Variants in ANKAR observed in about 807,000 individuals in gnomAD.
ANKAR encodes the protein ankyrin and armadillo repeat-containing protein.
A neutral mutation model predicts 146.2 loss-of-function variants in ANKAR; 136 were observed. That is an observed-to-expected ratio of 0.93 (90% CI 0.81 to 1.07). The LOEUF is 1.07. Ranked by LOEUF, ANKAR falls within the 50% of genes least tolerant of loss-of-function variation. The pLI is 0.00. For synonymous variants in ANKAR, 500 were observed against 575.8 expected (o/e 0.87, Z 1.88); for missense variants, 1,567 against 1,679.9 (o/e 0.93, Z 1.18).
At chr2:189,710,497 A>G (rs2105706103) in intron 9 of ANKAR, among the ~76,000 whole-genome samples, 1 of 152,344 alleles carries the variant, frequency 6.6e-6, no homozygotes, top group South Asian at 2.1e-4. Context: ...TAAGTCATTC[A>G]GACCAAAGAT....
intron 18 of ANKAR, chr2:189,754,004 G>T (rs2045684898): frequency 6.2e-7 from 1 of 1,613,706 alleles, no homozygotes; most frequent in Non-Finnish European, 8.5e-7. Context: ...ACATGCCATT[G>T]TGTGCTGTAC....
intron 18 of ANKAR, 96 bp downstream of exon 18, chr2:189,737,937 T>G (rs1305919544): frequency 6.4e-5 from 80 of 1,246,466 alleles, no homozygotes; most frequent in Non-Finnish European, 8.6e-5. Flanking sequence ...AAACGTTTAC[T>G]TATTTGTAAA....
chr2:189,698,899 G>A (rs2037646433), intron 7 of ANKAR, among the ~76,000 whole-genome samples: 3 of 152,308 alleles, frequency 2.0e-5, no homozygotes, highest in Admixed American at 1.3e-4. Flanking sequence ...TGTCCCATCC[G>A]CCCTGTAGAA....
chr2:189,720,833 A>T (rs2105787463), intron 12 of ANKAR, 46 bp downstream of exon 12: 2 of 1,366,104 alleles, frequency 1.5e-6, no homozygotes, highest in Non-Finnish European at 1.9e-6. Context: ...AGATATATTA[A>T]GTGAAGCAAA....
In ANKAR at chr2:189,677,105, A is replaced by C; in HGVS notation, c.601+14A>C. 6.8e-7 allele frequency: 1 copy of C among 1,465,678 alleles called. No individual in the cohort carries two copies. The highest frequency in any genetic ancestry group is 8.9e-7 in the Non-Finnish European group (1 of 1,118,902). The allele number at this position is 1,465,678 out of a possible 1,614,324, so 90.8% of individuals were successfully genotyped here. A position where few individuals can be genotyped will look rare whatever the true frequency, so the allele number is the denominator to read the frequency against. ...TTAGTTCAGCAGGTAAGAGAATTTAACACTTCTTAAATTTTTTTTTTTTTT... is the reference window on the plus strand; with the variant it reads ...TTAGTTCAGCAGGTAAGAGAATTTACCACTTCTTAAATTTTTTTTTTTTTT... On this transcript the variant is annotated intron_variant, in intron 2 of 22. Coordinates refer to ENST00000684021, the MANE Select transcript of ANKAR (RefSeq NM_001378068.1).
chr2:189,727,952 C>T lies in ANKAR; in HGVS notation c.2732C>T (p.Pro911Leu). The T allele has an allele frequency of 1.2e-6, 2 of 1,614,004 alleles. No individual in the cohort carries two copies. Among genetic ancestry groups the T allele is most frequent in the Non-Finnish European group, 8.5e-7 (1 of 1,179,980 alleles). ...ATAGCTATGGAGGGAGCGATTCCTCCTCTGGTGGCTCTTTTTAAAGGGAAA... is the reference window on the plus strand; with the variant it reads ...ATAGCTATGGAGGGAGCGATTCCTCTTCTGGTGGCTCTTTTTAAAGGGAAA... Reference protein sequence around the residue: ...DAIAMEGAIPPLVALFKGKQI... With the variant: ...DAIAMEGAIPLLVALFKGKQI... Residue 911 changes from proline to leucine, a missense_variant, in exon 13 of 23, where the codon CCT becomes CTT. Physicochemically the swap from Pro to Leu is moderately conservative, Grantham distance 98. Coordinates refer to ENST00000684021, the MANE Select transcript of ANKAR (RefSeq NM_001378068.1).
chr2:189,678,074 C>G (rs932761058), intron 2 of ANKAR, among the ~76,000 whole-genome samples: 1 of 152,138 alleles, frequency 6.6e-6, no homozygotes, highest in Non-Finnish European at 1.5e-5. Flanking sequence ...TGTAAGTATT[C>G]CCTTTTCACC....
At chr2:189,680,951 C>T (rs926274958) in intron 2 of ANKAR, among the ~76,000 whole-genome samples, 4 of 152,092 alleles carry the variant, frequency 2.6e-5, no homozygotes, top group African/African-American at 7.2e-5. Context: ...CTGAGGTCCA[C>T]GGAGGTTAAG....
chr2:189,729,352 T>C (rs936294849), intron 15 of ANKAR, among the ~76,000 whole-genome samples: 1 of 152,200 alleles, frequency 6.6e-6, no homozygotes, highest in African/African-American at 2.4e-5. Flanking sequence ...AGGGTGCTGA[T>C]TGTAGACTGC....
Position 189,693,103 on chromosome 2 carries a change from T to C in ANKAR, c.1233T>C (p.Ala411=). 1.3e-6 allele frequency: 2 copies of C among 1,545,990 alleles called. No homozygotes were observed. The highest frequency in any genetic ancestry group is 1.8e-6 in the Non-Finnish European group (2 of 1,140,626). The change falls in exon 5 of 23, where the codon GCT becomes GCC. Residue 411 remains alanine (A), a synonymous_variant. Transcript: ENST00000684021. ...ATTTAGAAAAAATACGAGATTGTGC[T>C]GCTAATACATTTATAGAAGATTCAG... ...QKNLEKIRDC[A]ANTFIEDSGY... is the part of the protein sequence containing the mutation.
At position 189,705,173 on chromosome 2, in the gene ANKAR, T is replaced by C. The variant is rs759849066; in HGVS notation, c.1859T>C (p.Ile620Thr). Reference protein sequence around the residue: ...AAFYDNVCIIIALCRKDPSLL... With the variant: ...AAFYDNVCIITALCRKDPSLL... Reference sequence around the variant, plus strand: ...TTCTATGACAACGTTTGCATCATTATTGCTCTCTGTAGGAAGGATCCTAGT... The same window carrying C: ...TTCTATGACAACGTTTGCATCATTACTGCTCTCTGTAGGAAGGATCCTAGT... The change falls in exon 8 of 23, where the codon ATT becomes ACT. Residue 620 changes from isoleucine to threonine, a missense_variant. Coordinates refer to ENST00000684021, the MANE Select transcript of ANKAR (RefSeq NM_001378068.1). 1.2e-6 allele frequency: 2 copies of C among 1,614,074 alleles called. No homozygotes were observed. Among genetic ancestry groups the C allele is most frequent in the African/African-American group, 2.7e-5 (2 of 74,934 alleles).
rs557693895 is a variant in ANKAR at position 189,705,285 on chromosome 2, A to G, written c.1910+61A>G. ...ATGTCTAGGCAATAATAAAAAAAAAAGAAGAAAGAAAATTAAATAGAATAT... is the reference window on the plus strand; with the variant it reads ...ATGTCTAGGCAATAATAAAAAAAAAGGAAGAAAGAAAATTAAATAGAATAT... On this transcript the variant is annotated intron_variant, in intron 8 of 22. Coordinates refer to ENST00000684021, the MANE Select transcript of ANKAR (RefSeq NM_001378068.1). The G allele has an allele frequency of 5.0e-5, 55 of 1,091,736 alleles. No individual in the cohort carries two copies. In the African/African-American group the frequency reaches 6.8e-4, roughly 14 times the overall value. 67.6% of individuals were successfully genotyped at this position (1,091,736 alleles called of 1,614,324 possible).
At chr2:189,677,417 G>A (rs2033896744) in intron 2 of ANKAR, among the ~76,000 whole-genome samples, 1 of 152,104 alleles carries the variant, frequency 6.6e-6, no homozygotes, top group Non-Finnish European at 1.5e-5. Context: ...TACCCCATGT[G>A]TAGTCTTTTA....
intron 10 of ANKAR, among the ~76,000 whole-genome samples, chr2:189,716,559 T>C (rs202040935): frequency 0.24 from 35,825 of 151,934 alleles, 4,538 homozygotes; most frequent in African/African-American, 0.32. Context: ...AAGCTACCAA[T>C]GACTTTCTTC....
At chr2:189,676,055 C>T (rs2033608917) in intron 1 of ANKAR, 1 of 167,024 alleles carries the variant, frequency 6.0e-6, no homozygotes, top group Admixed American at 5.9e-5. Flanking sequence ...AAATAAACCT[C>T]TTTTCTTTAT....
chr2:189,689,302 C>T (rs2036074357), intron 2 of ANKAR, among the ~76,000 whole-genome samples: 1 of 152,160 alleles, frequency 6.6e-6, no homozygotes, highest in Non-Finnish European at 1.5e-5. Flanking sequence ...TGGCCAAGAA[C>T]TTAGTTTTTA....
At chr2:189,734,569 C>T (rs149371032) in intron 17 of ANKAR, among the ~76,000 whole-genome samples, 2,634 of 152,156 alleles carry the variant, frequency 0.017, 29 homozygotes, top group Middle Eastern at 0.027. Flanking sequence ...AAATTGCCAG[C>T]GACGTTTCTC....
chr2:189,702,641 T>G (rs2038244375), intron 7 of ANKAR, among the ~76,000 whole-genome samples: 1 of 152,208 alleles, frequency 6.6e-6, no homozygotes, highest in African/African-American at 2.4e-5. Context: ...AAATGGTAAC[T>G]TCTAAGCTCC....
At chr2:189,746,820 T>C (rs997527554), downstream of ANKAR, 24 of 568,736 alleles carry the variant, frequency 4.2e-5, 1 homozygote, top group Non-Finnish European at 6.3e-5. Context: ...TTCAAAAAAT[T>C]AGGATTTCTG....
Sources: gnomAD v4.1 joint callset for allele counts (sites outside exome capture counted in the v4.1 genomes callset) on GRCh38, gnomAD v4.1.1 for gene constraint, MANE v1.5 for transcripts, NCBI Gene and HGNC (gene_info 2026-07-23, HGNC 2026-07-21) for gene names.